NBEAL2: variants seen among roughly 807,000 people sequenced by gnomAD.
NBEAL2 encodes neurobeachin-like protein 2.
Under a neutral mutation model 299.8 loss-of-function variants are expected in NBEAL2, and 160 were observed. That is an observed-to-expected ratio of 0.53 (90% CI 0.47 to 0.61). The LOEUF is 0.61. Ranked by LOEUF, NBEAL2 falls within the 20% of genes least tolerant of loss-of-function variation. The pLI, the probability that NBEAL2 is intolerant of heterozygous loss-of-function variation, is 0.00. For synonymous variants in NBEAL2, 1,493 were observed against 1,542.3 expected, an observed-to-expected ratio of 0.97 and a Z score of 0.75; for missense variants, 3,112 against 3,649.0, an observed-to-expected ratio of 0.85 and a Z score of 3.79.
At position 46,995,150 on chromosome 3, in the gene NBEAL2, C is replaced by T. The variant is rs1260220430; in HGVS notation, c.1415C>T (p.Ala472Val). 2 of 1,573,568 alleles carry T rather than the reference C, an allele frequency of 1.3e-6. No homozygotes were observed. Among genetic ancestry groups the T allele is most frequent in the Non-Finnish European group, 1.7e-6 (2 of 1,159,978 alleles). ...LPTAELRLFL[A>V]QRLRWLCDSC... ...ACCGCTGAGCTGCGGCTCTTCCTAG[C>T]GCAACGCCTCAGGTGGCTCTGTGAC... Residue 472 changes from alanine (A) to valine (V), a missense_variant, in exon 13 of 54, where the codon GCG (alanine) becomes GTG (valine). Around this residue, in one of 3 missense-constraint regions of NBEAL2, gnomAD observed 2,243 missense variants for 2,538.1 expected, o/e 0.88. Transcript: ENST00000450053.
rs200067889 is a variant in NBEAL2 at position 46,997,591 on chromosome 3, C to T, written c.2855C>T (p.Ala952Val). Reference protein sequence around the residue: ...EERMERNAVAAFLLMLRNFLQ... With the variant: ...EERMERNAVAVFLLMLRNFLQ... ...CGGATGGAGAGGAACGCAGTGGCTG[C>T]TTTTCTGCTGATGCTGCGGAACTTC... The change falls in exon 20 of 54, where the codon GCT (alanine) becomes GTT (valine). Residue 952 changes from alanine to valine, a missense_variant. Ala to Val is a moderately conservative substitution (Grantham distance 64). This residue lies in a region of NBEAL2 where 2,243 missense variants were observed against 2,538.1 expected (regional missense o/e 0.88). Transcript: ENST00000450053. 1.9e-6 allele frequency: 3 copies of T among 1,600,240 alleles called. No homozygotes were observed. Among genetic ancestry groups the T allele is most frequent in the Admixed American group, 3.4e-5 (2 of 59,554 alleles).
Position 46,991,609 on chromosome 3 carries a change from T to G in NBEAL2, c.846T>G (p.His282Gln). 6.2e-7 allele frequency: 1 copy of G among 1,600,358 alleles called. No individual in the cohort carries two copies. ...GTGCCCTGCTTGAGAGCTACTTCCA[T>G]GTCCTTAATGCTGACTGGCCAGCTG... ...ELRALLESYF[H>Q]VLNADWPAGL... Residue 282 changes from histidine (H) to glutamine (Q), a missense_variant, in exon 8 of 54, where the codon CAT becomes CAG. Coordinates refer to ENST00000450053, the MANE Select transcript of NBEAL2 (RefSeq NM_015175.3). This position sits in a 1 kb window ranked among gnomAD's most constrained non-coding sequence, Gnocchi z 6.2.
In NBEAL2 at chr3:47,004,061, C is replaced by T. The variant is rs1559615700; in HGVS notation, c.5882-16C>T. 5.6e-6 allele frequency: 9 copies of T among 1,608,598 alleles called. No homozygotes were observed. The highest frequency in any genetic ancestry group is 7.7e-6 in the Non-Finnish European group (9 of 1,176,240). On this transcript the variant is annotated splice_polypyrimidine_tract_variant and intron_variant, in intron 36 of 53. Transcript: ENST00000450053. This position sits in a 1 kb window ranked among gnomAD's most constrained non-coding sequence, Gnocchi z 5.0. ...CTGGGGTGAGTGACTCCCGTACCTGCTGTTCCTCCCCATAGGCATCGGCTA... is the reference window on the plus strand; with the variant it reads ...CTGGGGTGAGTGACTCCCGTACCTGTTGTTCCTCCCCATAGGCATCGGCTA...
chr3:46,984,153 A>ACAAG (rs2035540656), intron 1 of NBEAL2, among the ~76,000 whole-genome samples: 1 of 48,222 alleles, frequency 2.1e-5, no homozygotes, highest in South Asian at 8.2e-4. Flanking sequence ...AAAAAAAAAA[A>ACAAG]AAATTAGCCA....
intron 1 of NBEAL2, among the ~76,000 whole-genome samples, chr3:46,985,168 C>T (rs892813330): frequency 3.9e-5 from 6 of 152,166 alleles, no homozygotes; most frequent in South Asian, 2.1e-4. Flanking sequence ...CAGTGATTCA[C>T]GCCCTTGGGC....
chr3:47,002,349 T>C (rs1553665014), intron 31 of NBEAL2, 22 bp from the exon 32 acceptor site: 2 of 1,612,670 alleles, frequency 1.2e-6, no homozygotes, highest in Non-Finnish European at 1.7e-6. Flanking sequence ...CGAGCACTGT[T>C]CTCCTCTGCC....
Position 47,006,001 on chromosome 3 carries a change from A to G in NBEAL2, c.6857A>G (p.Tyr2286Cys), listed in dbSNP as rs2037413293. 3 of 1,613,586 alleles carry G rather than the reference A, an allele frequency of 1.9e-6. No individual in the cohort carries two copies. The highest frequency in any genetic ancestry group is 2.5e-6 in the Non-Finnish European group (3 of 1,179,890). Reference protein sequence around the residue: ...LHEWIDLIFGYKQRGPAAEEA... With the variant: ...LHEWIDLIFGCKQRGPAAEEA... Reference sequence around the variant, plus strand: ...GAGTGGATCGACCTCATCTTTGGCTACAAGCAGCGGGGGCCAGCCGCCGAG... The same window carrying G: ...GAGTGGATCGACCTCATCTTTGGCTGCAAGCAGCGGGGGCCAGCCGCCGAG... The change falls in exon 43 of 54, where the codon TAC becomes TGC. Residue 2286 changes from tyrosine (Y) to cysteine (C), a missense_variant. Tyr to Cys is a radical substitution (Grantham distance 194). Coordinates refer to ENST00000450053, the MANE Select transcript of NBEAL2 (RefSeq NM_015175.3).
intron 24 of NBEAL2, 21 bp downstream of exon 24, chr3:46,999,138 C>A (rs1351475777): frequency 6.4e-7 from 1 of 1,554,106 alleles, no homozygotes. Context: ...CCCACCCCCT[C>A]CCCTGGCATC....
chr3:46,994,604 C>A, intron 12 of NBEAL2, 51 bp downstream of exon 12: 1 of 1,463,280 alleles, frequency 6.8e-7, no homozygotes, highest in South Asian at 1.2e-5. Flanking sequence ...AGAACTGAGT[C>A]AGGGTTACCA....
In NBEAL2 at chr3:47,006,176, C is replaced by A. The variant is rs2037429530; in HGVS notation, c.6931C>A (p.Leu2311Met). The A allele has an allele frequency of 4.3e-6, 7 of 1,613,770 alleles. No individual in the cohort carries two copies. The highest frequency in any genetic ancestry group is 1.3e-5 in the African/African-American group (1 of 74,930). Residue 2311 changes from leucine (L) to methionine (M), a missense_variant, in exon 44 of 54, where the codon CTG (leucine) becomes ATG (methionine). Leu to Met is a conservative substitution (Grantham distance 15). Transcript: ENST00000450053. ...YYCTYEGAVD[L>M]DHVTDERERK... ...GCCTGCCTTCCCAGGGGCTGTAGACCTGGACCATGTGACAGATGAGCGGGA... is the reference window on the plus strand; with the variant it reads ...GCCTGCCTTCCCAGGGGCTGTAGACATGGACCATGTGACAGATGAGCGGGA...
Position 47,001,215 on chromosome 3 carries a change from G to A in NBEAL2, c.4484+36G>A. 2 of 1,602,226 alleles carry A rather than the reference G, an allele frequency of 1.2e-6. No homozygotes were observed. Among genetic ancestry groups the A allele is most frequent in the South Asian group, 2.2e-5 (2 of 90,642 alleles). On this transcript the variant is annotated intron_variant, in intron 28 of 53. Transcript: ENST00000450053. The surrounding 1 kb of genome is among the most constrained non-coding windows in gnomAD (Gnocchi z 6.1). ...AAGTCTGGAGGGGGAGGGGCTTCAG[G>A]AAGCCTCGGGGGAAGGAGAGAAGAT...
intron 1 of NBEAL2, among the ~76,000 whole-genome samples, chr3:46,986,742 G>A (rs1353790608): frequency 1.3e-5 from 2 of 152,192 alleles, no homozygotes; most frequent in African/African-American, 4.8e-5. Context: ...GCAATCATGA[G>A]TGGTCCTGGC....
In NBEAL2 at chr3:46,988,622, C is replaced by G; in HGVS notation, c.52-47C>G. The G allele has an allele frequency of 6.6e-7, 1 of 1,522,698 alleles. No individual in the cohort carries two copies. The allele number at this position is 1,522,698 out of a possible 1,614,324, so 94.3% of individuals were successfully genotyped here. A position where few individuals can be genotyped will look rare whatever the true frequency, so the allele number is the denominator to read the frequency against. On this transcript the variant is annotated intron_variant, in intron 1 of 53. Coordinates refer to ENST00000450053, the MANE Select transcript of NBEAL2 (RefSeq NM_015175.3). This position sits in a 1 kb window ranked among gnomAD's most constrained non-coding sequence, Gnocchi z 4.4. Reference sequence around the variant, plus strand: ...CATCCCCTTGTCCCTGCCCTGTTTACTGCATCCCTCCTGCCCCCCACCACT... The same window carrying G: ...CATCCCCTTGTCCCTGCCCTGTTTAGTGCATCCCTCCTGCCCCCCACCACT...
chr3:47,004,971 G>C lies in NBEAL2; in HGVS notation c.6295-1G>C. Reference sequence around the variant, plus strand: ...CAGCCCCTGCTCGGGTGGGTGGCCAGTTCCCCTGGGTCCTGCAGGACTACG... The same window carrying C: ...CAGCCCCTGCTCGGGTGGGTGGCCACTTCCCCTGGGTCCTGCAGGACTACG... On this transcript the variant is annotated splice_acceptor_variant, in intron 38 of 53. Transcript: ENST00000450053. LOFTEE classifies it high-confidence loss of function. This position sits in a 1 kb window ranked among gnomAD's most constrained non-coding sequence, Gnocchi z 5.0. 6.2e-7 allele frequency: 1 copy of C among 1,605,432 alleles called. No homozygotes were observed. The highest frequency in any genetic ancestry group is 8.5e-7 in the Non-Finnish European group (1 of 1,176,308).
At position 46,992,360 on chromosome 3, in the gene NBEAL2, A is replaced by T. The variant is rs2036161670; in HGVS notation, c.1033-115A>T. 8.4e-6 allele frequency: 8 copies of T among 950,528 alleles called. No individual in the cohort carries two copies. In the South Asian group the frequency reaches 1.1e-4, roughly 13 times the overall value. The allele number at this position is 950,528 out of a possible 1,614,324, so 58.9% of individuals were successfully genotyped here. A position where few individuals can be genotyped will look rare whatever the true frequency, so the allele number is the denominator to read the frequency against. On this transcript the variant is annotated intron_variant, in intron 9 of 53. Coordinates refer to ENST00000450053, the MANE Select transcript of NBEAL2 (RefSeq NM_015175.3). ...GGGGCTCAGCACCCTACTCTTCCCT[A>T]GTGCCGGGCAGGGCACCTGGCAGCT...
intron 10 of NBEAL2, 144 bp downstream of exon 10, chr3:46,992,699 C>T (rs954379226): frequency 2.6e-6 from 2 of 776,884 alleles, no homozygotes; most frequent in Non-Finnish European, 4.2e-6. Flanking sequence ...TGCTGTCTCG[C>T]CTGCCTTCCA....
In NBEAL2 at chr3:47,000,046, C is replaced by T. The variant is rs948605382; in HGVS notation, c.3947C>T (p.Ala1316Val). The change falls in exon 27 of 54, where the codon GCC (alanine) becomes GTC (valine). Residue 1316 changes from alanine (A) to valine (V), a missense_variant. Ala to Val is a moderately conservative substitution (Grantham distance 64). Around this residue, in one of 3 missense-constraint regions of NBEAL2, gnomAD observed 2,243 missense variants for 2,538.1 expected, o/e 0.88. Coordinates refer to ENST00000450053, the MANE Select transcript of NBEAL2 (RefSeq NM_015175.3). This position sits in a 1 kb window ranked among gnomAD's most constrained non-coding sequence, Gnocchi z 4.5. ...SPESPTSPKP[A>V]PPKPPTESPA... ...GAGTCACCTACCTCCCCCAAGCCAG[C>T]CCCACCCAAGCCACCCACTGAGTCA... 5.0e-6 allele frequency: 8 copies of T among 1,613,184 alleles called. No homozygotes were observed. The highest frequency in any genetic ancestry group is 6.8e-6 in the Non-Finnish European group (8 of 1,179,842).
chr3:46,985,783 G>A (rs1027311728), intron 1 of NBEAL2, among the ~76,000 whole-genome samples: 4 of 152,194 alleles, frequency 2.6e-5, no homozygotes, highest in East Asian at 1.9e-4. Context: ...ACCCAGTTAG[G>A]TTGGGGCAAG....
rs2037228770 is a variant in NBEAL2 at position 47,003,999 on chromosome 3, A to G, written c.5881+23A>G. 6.2e-7 allele frequency: 1 copy of G among 1,609,300 alleles called. No homozygotes were observed. Among genetic ancestry groups the G allele is most frequent in the African/African-American group, 1.3e-5 (1 of 74,664 alleles). ...AGGGTGCGTCCTGGTGGTGTGGTTT[A>G]GGAGGATGGCAGGGAATGGCTGAGC... On this transcript the variant is annotated intron_variant, in intron 36 of 53. Coordinates refer to ENST00000450053, the MANE Select transcript of NBEAL2 (RefSeq NM_015175.3). This position sits in a 1 kb window ranked among gnomAD's most constrained non-coding sequence, Gnocchi z 7.0.
Sources: gnomAD v4.1 joint callset for allele counts (sites outside exome capture counted in the v4.1 genomes callset) on GRCh38, gnomAD v4.1.1 for gene constraint, gnomAD v4.1.1 regional missense constraint, Gnocchi (gnomAD v3.1) non-coding constraint, MANE v1.5 for transcripts, NCBI Gene and HGNC (gene_info 2026-07-23, HGNC 2026-07-21) for gene names.